Variants in SLC71A2 observed in about 807,000 individuals in gnomAD.
SLC71A2 encodes solute carrier family 71 member 2, also known as hippocampus abundant transcript-like 1.
the SLC71A2 span, among the ~76,000 whole-genome samples, chr9:94,395,515 A>T: frequency 1.3e-5 from 2 of 152,120 alleles, no homozygotes; most frequent in African/African-American, 2.4e-5. Context: ...TGGACTCATT[A>T]TATTCTTATT....
the SLC71A2 span, among the ~76,000 whole-genome samples, chr9:94,399,709 A>G: frequency 6.6e-6 from 1 of 152,086 alleles, no homozygotes; most frequent in Non-Finnish European, 1.5e-5. Flanking sequence ...ATAGCATAAC[A>G]GTGTTTAAGT....
At chr9:94,440,851 A>G in the SLC71A2 span, 1 of 440,980 alleles carries the variant, frequency 2.3e-6, no homozygotes, top group Admixed American at 3.9e-5. Flanking sequence ...TTTTTTTGAT[A>G]TATTTAAGTA....
At chr9:94,394,499 G>A in the SLC71A2 span, among the ~76,000 whole-genome samples, 2 of 88,312 alleles carry the variant, frequency 2.3e-5, no homozygotes, top group East Asian at 3.4e-4. Flanking sequence ...CCAGGTTAGC[G>A]TGTGGTGGCA....
At chr9:94,435,758 G>A in the SLC71A2 span, among the ~76,000 whole-genome samples, 438 of 148,590 alleles carry the variant, frequency 2.9e-3, 4 homozygotes, top group African/African-American at 0.011. Flanking sequence ...GGGTTCAAGC[G>A]ATTCTCCTGC....
chr9:94,419,036 T>C, the SLC71A2 span, among the ~76,000 whole-genome samples: 1 of 152,176 alleles, frequency 6.6e-6, no homozygotes, highest in African/African-American at 2.4e-5. Flanking sequence ...CTGAGTGAGT[T>C]ATATGTTCTT....
At chr9:94,409,211 C>G in the SLC71A2 span, among the ~76,000 whole-genome samples, 2 of 128,476 alleles carry the variant, frequency 1.6e-5, no homozygotes, top group Admixed American at 1.9e-4. Context: ...ATGATGATGG[C>G]TCATTGCACC....
the SLC71A2 span, among the ~76,000 whole-genome samples, chr9:94,434,695 C>A: frequency 6.6e-6 from 1 of 152,178 alleles, no homozygotes; most frequent in African/African-American, 2.4e-5. Flanking sequence ...TTTCCTTGAT[C>A]TATTTCACTC....
chr9:94,394,195 G>A, the SLC71A2 span, among the ~76,000 whole-genome samples: 1 of 115,688 alleles, frequency 8.6e-6, no homozygotes, highest in African/African-American at 3.0e-5. Context: ...ATGCTGCTTG[G>A]TCTGTCCAAT....
chr9:94,429,288 A>G, the SLC71A2 span: 4 of 1,549,658 alleles, frequency 2.6e-6, no homozygotes, highest in South Asian at 3.6e-5. Flanking sequence ...TAATGAACCA[A>G]AGTCAGGAAT....
At chr9:94,391,218 A>AC in the SLC71A2 span, among the ~76,000 whole-genome samples, 1 of 151,066 alleles carries the variant, frequency 6.6e-6, no homozygotes, top group South Asian at 2.1e-4. Context: ...AAAAAAAAAA[A>AC]AGAGGCTGAG....
chr9:94,447,351 T>C, the SLC71A2 span, among the ~76,000 whole-genome samples: 1 of 152,042 alleles, frequency 6.6e-6, no homozygotes, highest in Non-Finnish European at 1.5e-5. Flanking sequence ...AGCCAATTTT[T>C]GTATTTTTAG....
the SLC71A2 span, among the ~76,000 whole-genome samples, chr9:94,378,692 T>C: frequency 6.6e-5 from 10 of 152,132 alleles, no homozygotes; most frequent in East Asian, 1.9e-4. Context: ...CACCAAACAA[T>C]TGAGAAGAGA....
At chr9:94,408,063 A>T in the SLC71A2 span, among the ~76,000 whole-genome samples, 1 of 152,186 alleles carries the variant, frequency 6.6e-6, no homozygotes, top group Non-Finnish European at 1.5e-5. Context: ...GTGCCTAATT[A>T]GAAATTAAAC....
the SLC71A2 span, among the ~76,000 whole-genome samples, chr9:94,452,145 T>TGC: frequency 6.6e-6 from 1 of 152,274 alleles, no homozygotes; most frequent in African/African-American, 2.4e-5. Context: ...TAAATAATTA[T>TGC]AATCTATCTC....
chr9:94,456,434 G>A, the SLC71A2 span: 1 of 894,170 alleles, frequency 1.1e-6, no homozygotes, highest in East Asian at 2.5e-5. Flanking sequence ...AACAGCAGGA[G>A]CCGACAGCCA....
chr9:94,452,635 TCA>T, the SLC71A2 span, among the ~76,000 whole-genome samples: 1 of 91,384 alleles, frequency 1.1e-5, no homozygotes, highest in Non-Finnish European at 2.1e-5. Flanking sequence ...ATATATATTT[TCA>T]TATATATATT....
At chr9:94,389,640 C>T in the SLC71A2 span, among the ~76,000 whole-genome samples, 1 of 139,834 alleles carries the variant, frequency 7.2e-6, no homozygotes, top group Non-Finnish European at 1.6e-5. Context: ...AAGGTCTTGC[C>T]CTGTTGCCCA....
At chr9:94,408,142 G>A in the SLC71A2 span, among the ~76,000 whole-genome samples, 1 of 152,174 alleles carries the variant, frequency 6.6e-6, no homozygotes, top group African/African-American at 2.4e-5. Context: ...TTGAACTTAA[G>A]ATTTTTCAAC....
the SLC71A2 span, among the ~76,000 whole-genome samples, chr9:94,377,553 T>TTAA: frequency 7.6e-6 from 1 of 132,084 alleles, no homozygotes; most frequent in Non-Finnish European, 1.6e-5. Flanking sequence ...TTTTTTTTTT[T>TTAA]AATTTATTTT....
Sources: gnomAD v4.1 joint callset for allele counts (sites outside exome capture counted in the v4.1 genomes callset) on GRCh38, gnomAD v4.1.1 for gene constraint, MANE v1.5 for transcripts, NCBI Gene and HGNC (gene_info 2026-07-23, HGNC 2026-07-21) for gene names.